Variants in RANBP2 observed in about 807,000 individuals in gnomAD.
RANBP2 encodes E3 SUMO-protein ligase RanBP2.
Under a neutral mutation model 303.6 loss-of-function variants are expected in RANBP2, and 57 were observed. The observed-to-expected ratio is 0.19, with a 90% CI of 0.15 to 0.23. RANBP2 has a LOEUF of 0.23. Ranked by LOEUF, RANBP2 falls within the 10% of genes least tolerant of loss-of-function variation. The probability of loss-of-function intolerance (pLI) is 1.00; values close to 1 mark genes in which losing one functional copy is unlikely to be tolerated. For missense variants in RANBP2, 3,138 were observed against 3,780.8 expected, an observed-to-expected ratio of 0.83 and a Z score of 4.46; for synonymous variants, 1,167 against 1,301.5, an observed-to-expected ratio of 0.90 and a Z score of 2.23.
chr2:109,466,800 T>C, the RANBP2 span, among the ~76,000 whole-genome samples: 3 of 151,916 alleles, frequency 2.0e-5, no homozygotes, highest in Admixed American at 1.3e-4. Flanking sequence ...TGTGTATCTA[T>C]ATGTGTGTAT....
At chr2:108,777,468 T>C (rs924376748) in intron 25 of RANBP2, among the ~76,000 whole-genome samples, 7 of 152,190 alleles carry the variant, frequency 4.6e-5, no homozygotes, top group Non-Finnish European at 7.4e-5. Context: ...CATTCTGAAA[T>C]GCAGAACCAT....
chr2:108,740,100 T>C (rs1695954837), intron 6 of RANBP2, among the ~76,000 whole-genome samples: 1 of 152,222 alleles, frequency 6.6e-6, no homozygotes, highest in African/African-American at 2.4e-5. Flanking sequence ...AATTTGGAAA[T>C]GGTATGTCTA....
At chr2:109,163,698 C>T in the RANBP2 span, among the ~76,000 whole-genome samples, 5 of 152,272 alleles carry the variant, frequency 3.3e-5, no homozygotes, top group South Asian at 2.1e-4. Context: ...CGCGCCTGGC[C>T]GCAAATATTC....
At chr2:108,800,453 C>T in the RANBP2 span, among the ~76,000 whole-genome samples, 78 of 151,806 alleles carry the variant, frequency 5.1e-4, no homozygotes, top group Non-Finnish European at 7.1e-4. Flanking sequence ...TTAGTAGGGA[C>T]GGGGTTTCAC....
chr2:109,273,815 C>G, the RANBP2 span, among the ~76,000 whole-genome samples: 5 of 152,084 alleles, frequency 3.3e-5, no homozygotes, highest in African/African-American at 1.2e-4. Flanking sequence ...TGCTTGAGAC[C>G]AGGCTCAGCA....
the RANBP2 span, among the ~76,000 whole-genome samples, chr2:109,384,988 C>G: frequency 6.6e-6 from 1 of 152,238 alleles, no homozygotes; most frequent in African/African-American, 2.4e-5. Flanking sequence ...CTCCTCACTG[C>G]AGTCTACCCT....
chr2:109,536,055 G>A, the RANBP2 span, among the ~76,000 whole-genome samples: 5 of 133,084 alleles, frequency 3.8e-5, no homozygotes, highest in East Asian at 8.0e-4. Flanking sequence ...GTGGGGGTGG[G>A]GGGGGGGTCT....
At chr2:109,592,164 T>G in the RANBP2 span, among the ~76,000 whole-genome samples, 1 of 151,928 alleles carries the variant, frequency 6.6e-6, no homozygotes, top group East Asian at 1.9e-4. Context: ...TTCTGCAGTG[T>G]GCTCAAAAAA....
At chr2:108,795,302 A>G in the RANBP2 span, among the ~76,000 whole-genome samples, 1 of 151,336 alleles carries the variant, frequency 6.6e-6, no homozygotes, top group Non-Finnish European at 1.5e-5. Context: ...TTACAGGTGC[A>G]CCCCATCCCG....
chr2:109,319,387 G>GT, the RANBP2 span, among the ~76,000 whole-genome samples: 5 of 152,232 alleles, frequency 3.3e-5, no homozygotes, highest in African/African-American at 4.8e-5. Flanking sequence ...TGTGGGCTCA[G>GT]TGGGGTCCCG....
chr2:109,338,394 T>G, the RANBP2 span, among the ~76,000 whole-genome samples: 1 of 151,738 alleles, frequency 6.6e-6, no homozygotes, highest in African/African-American at 2.4e-5. Flanking sequence ...AACACAGGCC[T>G]CCTTCCTTTT....
chr2:108,885,775 A>G, the RANBP2 span, among the ~76,000 whole-genome samples: 1 of 152,130 alleles, frequency 6.6e-6, no homozygotes. Flanking sequence ...ACCACTCATG[A>G]TTCCCAGTCT....
At chr2:108,833,691 T>G in the RANBP2 span, among the ~76,000 whole-genome samples, 1 of 151,910 alleles carries the variant, frequency 6.6e-6, no homozygotes, top group East Asian at 1.9e-4. Context: ...CACAAATTTT[T>G]TTGTTGACAA....
chr2:108,843,761 GT>G, the RANBP2 span, among the ~76,000 whole-genome samples: 1 of 148,248 alleles, frequency 6.7e-6, no homozygotes, highest in Non-Finnish European at 1.5e-5. Context: ...CCTGTTTGGT[GT>G]TTGTTTAGTT....
chr2:109,099,286 A>C, the RANBP2 span, among the ~76,000 whole-genome samples: 4 of 152,336 alleles, frequency 2.6e-5, no homozygotes, highest in Non-Finnish European at 1.5e-5. Context: ...TAAATGCAGT[A>C]AAATTAGGCT....
chr2:109,270,228 G>A, the RANBP2 span, among the ~76,000 whole-genome samples: 1 of 152,208 alleles, frequency 6.6e-6, no homozygotes, highest in African/African-American at 2.4e-5. Flanking sequence ...GATCTGGGGG[G>A]TGAGGATGCT....
chr2:108,961,384 C>A, the RANBP2 span, among the ~76,000 whole-genome samples: 1 of 152,140 alleles, frequency 6.6e-6, no homozygotes, highest in Non-Finnish European at 1.5e-5. Context: ...TCTGGCACAC[C>A]CACCACCAGT....
chr2:108,800,365 A>G, the RANBP2 span, among the ~76,000 whole-genome samples: 1 of 152,156 alleles, frequency 6.6e-6, no homozygotes, highest in African/African-American at 2.4e-5. Flanking sequence ...CCTGGGTTCA[A>G]GCGATTCTCC....
the RANBP2 span, among the ~76,000 whole-genome samples, chr2:109,164,146 C>T: frequency 3.3e-5 from 5 of 151,984 alleles, no homozygotes; most frequent in African/African-American, 9.7e-5. Flanking sequence ...ATTTTTGGTC[C>T]AGGAAAACTC....
Sources: gnomAD v4.1 joint callset for allele counts (sites outside exome capture counted in the v4.1 genomes callset) on GRCh38, gnomAD v4.1.1 for gene constraint, MANE v1.5 for transcripts, NCBI Gene and HGNC (gene_info 2026-07-23, HGNC 2026-07-21) for gene names.